The following DNAH3 variants were observed in gnomAD, a reference collection of about 807,000 sequenced individuals.
DNAH3 encodes the protein axonemal beta dynein heavy chain 3.
DNAH3 carries 332 observed loss-of-function variants against 432.5 expected under a neutral mutation model. The observed-to-expected ratio is 0.77, with a 90% CI of 0.70 to 0.84. DNAH3 has a LOEUF of 0.84. Ranked by LOEUF, DNAH3 falls within the 40% of genes least tolerant of loss-of-function variation. The probability of loss-of-function intolerance (pLI) is 0.00; values close to 1 mark genes in which losing one functional copy is unlikely to be tolerated. For synonymous variants in DNAH3, 1,956 were observed against 1,900.2 expected, an observed-to-expected ratio of 1.03 and a Z score of -0.76; for missense variants, 4,861 against 5,114.0, an observed-to-expected ratio of 0.95 and a Z score of 1.51.
chr16:20,983,908 T>C (rs1295527921), intron 48 of DNAH3, among the ~76,000 whole-genome samples: 1 of 151,576 alleles, frequency 6.6e-6, no homozygotes, highest in Non-Finnish European at 1.5e-5. Flanking sequence ...GTGCCTGTAG[T>C]CCCATGTACT....
At chr16:20,941,900 A>G (rs1375753253) in intron 58 of DNAH3, among the ~76,000 whole-genome samples, 1 of 152,068 alleles carries the variant, frequency 6.6e-6, no homozygotes, top group African/African-American at 2.4e-5. Context: ...TCTACAAAAA[A>G]TACAAAAATT....
intron 59 of DNAH3, among the ~76,000 whole-genome samples, chr16:20,941,032 C>T (rs1054417759): frequency 6.6e-6 from 1 of 152,052 alleles, no homozygotes; most frequent in African/African-American, 2.4e-5. Flanking sequence ...CCCAGGAGTT[C>T]GAGGCTGCAA....
intron 50 of DNAH3, among the ~76,000 whole-genome samples, chr16:20,979,002 TAAGGTGAGAC>T (rs1293917591): frequency 6.6e-6 from 1 of 151,614 alleles, no homozygotes; most frequent in African/African-American, 2.4e-5. Context: ...CAGGTCCCCA[TAAGGTGAGAC>T]AAGGGAGGCA....
chr16:21,005,442 T>C (rs2087248158), intron 41 of DNAH3, among the ~76,000 whole-genome samples: 1 of 152,090 alleles, frequency 6.6e-6, no homozygotes, highest in South Asian at 2.1e-4. Context: ...GGTGCAGTGG[T>C]GCAATCACAA....
chr16:20,965,083 T>C, exon 53 of DNAH3: 2 of 1,614,118 alleles, frequency 1.2e-6, no homozygotes, highest in Non-Finnish European at 1.7e-6. Context: ...CTGGAGCCGA[T>C]CTACCACCAG....
At chr16:20,952,672 A>C in intron 55 of DNAH3, 123 bp from the exon 56 acceptor site, 1 of 662,508 alleles carries the variant, frequency 1.5e-6, no homozygotes, top group Non-Finnish European at 2.7e-6. Context: ...CATGAATATC[A>C]AGCACCGAGG....
At chr16:21,134,403 C>G in exon 7 of DNAH3, 1 of 1,614,208 alleles carries the variant, frequency 6.2e-7, no homozygotes, top group Non-Finnish European at 8.5e-7. Context: ...GCGGGGGATG[C>G]TCTCAATAAA....
chr16:21,122,812 T>A (rs552399741), intron 9 of DNAH3, among the ~76,000 whole-genome samples: 10 of 151,100 alleles, frequency 6.6e-5, no homozygotes, highest in African/African-American at 2.4e-4. Flanking sequence ...GTTTTTTTTT[T>A]AATTTATTTT....
intron 12 of DNAH3, among the ~76,000 whole-genome samples, chr16:21,116,463 G>A: frequency 6.6e-6 from 1 of 152,150 alleles, no homozygotes; most frequent in East Asian, 1.9e-4. Context: ...ACGAGAAGAA[G>A]GATGTGTTTG....
chr16:21,034,157 C>A lies in DNAH3; in HGVS notation c.5086-72G>T, dbSNP rs971475743. 11 of 1,016,620 alleles carry A rather than the reference C, an allele frequency of 1.1e-5. No individual in the cohort carries two copies. In the South Asian group the frequency reaches 1.1e-4, roughly 10 times the overall value. The allele number at this position is 1,016,620 out of a possible 1,614,324, so 63.0% of individuals were successfully genotyped here. A position where few individuals can be genotyped will look rare whatever the true frequency, so the allele number is the denominator to read the frequency against. On this transcript the variant is annotated intron_variant, in intron 35 of 61. Transcript: ENST00000261383. ...CCCCCATTGTGAGTTAGTCAGAAGTCAATGAGGAATGAGGGGTCAGAAGAG... is the reference window on the plus strand; with the variant it reads ...CCCCCATTGTGAGTTAGTCAGAAGTAAATGAGGAATGAGGGGTCAGAAGAG...
At chr16:20,969,284 G>T (rs957413855) in intron 52 of DNAH3, among the ~76,000 whole-genome samples, 1 of 149,624 alleles carries the variant, frequency 6.7e-6, no homozygotes, top group Non-Finnish European at 1.5e-5. Flanking sequence ...GTGCATGCAT[G>T]TGTGTGCATG....
At chr16:20,985,849 G>C in intron 47 of DNAH3, 134 bp from the exon 48 acceptor site, 1 of 903,898 alleles carries the variant, frequency 1.1e-6, no homozygotes, top group East Asian at 2.5e-5. Flanking sequence ...TGGGTCATCA[G>C]TTTTGTTTTG....
chr16:21,019,736 G>A (rs767554617), exon 41 of DNAH3: 1 of 1,614,138 alleles, frequency 6.2e-7, no homozygotes, highest in Non-Finnish European at 8.5e-7. Flanking sequence ...TCTTTCTGCT[G>A]TCTGCGTTGA....
intron 51 of DNAH3, among the ~76,000 whole-genome samples, chr16:20,972,520 G>T (rs1294662722): frequency 4.6e-5 from 7 of 152,012 alleles, no homozygotes; most frequent in Non-Finnish European, 1.0e-4. Context: ...TTAAAGGCAT[G>T]ACCCATCATG....
intron 18 of DNAH3, among the ~76,000 whole-genome samples, chr16:21,087,385 T>C (rs888283424): frequency 6.6e-6 from 1 of 152,200 alleles, no homozygotes; most frequent in Non-Finnish European, 1.5e-5. Flanking sequence ...AATAGCTTTT[T>C]GTTTTGTTTT....
At chr16:21,127,281 G>T (rs150290097) in intron 8 of DNAH3, among the ~76,000 whole-genome samples, 1 of 151,852 alleles carries the variant, frequency 6.6e-6, no homozygotes, top group South Asian at 2.1e-4. Flanking sequence ...GGCCAGGCGC[G>T]GTGGCTCATG....
chr16:20,981,197 G>T (rs1458537333), intron 49 of DNAH3, among the ~76,000 whole-genome samples: 1 of 152,172 alleles, frequency 6.6e-6, no homozygotes, highest in Non-Finnish European at 1.5e-5. Flanking sequence ...TCCCACTGGG[G>T]TTTACTGCCT....
At position 20,985,716 on chromosome 16, in the gene DNAH3, C is replaced by T. The variant is rs1454183722; in HGVS notation, c.7027-1G>A. On this transcript the variant is annotated splice_acceptor_variant, in intron 47 of 61. Coordinates refer to ENST00000261383, the Ensembl canonical transcript of DNAH3. LOFTEE classifies it high-confidence loss of function. ...CAGTGGGTGACAAGTGGATAAGCAC[C>T]TGTAAGAAAAGTAAATCTCGGCGGG... 3 of 1,610,214 alleles carry T rather than the reference C, an allele frequency of 1.9e-6. No homozygotes were observed. Among genetic ancestry groups the T allele is most frequent in the South Asian group, 2.2e-5 (2 of 90,898 alleles).
intron 20 of DNAH3, among the ~76,000 whole-genome samples, 169 bp downstream of exon 20, chr16:21,081,467 A>AT (rs1258936532): frequency 6.6e-6 from 1 of 152,092 alleles, no homozygotes; most frequent in Non-Finnish European, 1.5e-5. Flanking sequence ...TAAAAAACAG[A>AT]AGCTTCACCA....
Sources: allele counts gnomAD v4.1 joint callset (sites outside exome capture counted in the v4.1 genomes callset), GRCh38; gene constraint gnomAD v4.1.1; transcripts MANE v1.5; gene names NCBI Gene and HGNC (gene_info 2026-07-23, HGNC 2026-07-21).